The following DNAH12 variants were observed in gnomAD, a reference collection of about 807,000 sequenced individuals.
DNAH12 encodes axonemal beta dynein heavy chain 12.
A neutral mutation model predicts 371.5 loss-of-function variants in DNAH12; 285 were observed. The observed-to-expected ratio is 0.77, with a 90% CI of 0.70 to 0.85. The LOEUF (loss-of-function observed/expected upper bound fraction) is 0.85, where lower values mean the gene tolerates loss of function less well. DNAH12 is among the 40% of genes least tolerant of loss of function. The pLI is 0.00. For missense variants in DNAH12, 3,611 were observed against 3,689.4 expected, an observed-to-expected ratio of 0.98 and a Z score of 0.55; for synonymous variants, 1,200 against 1,213.0, an observed-to-expected ratio of 0.99 and a Z score of 0.22.
intron 67 of DNAH12, 77 bp downstream of exon 67, chr3:57,310,640 T>C: frequency 2.0e-6 from 2 of 996,158 alleles, no homozygotes; most frequent in Non-Finnish European, 3.0e-6. Flanking sequence ...AACCTATACA[T>C]TAGAGAAGAA....
intron 69 of DNAH12, among the ~76,000 whole-genome samples, chr3:57,308,869 G>A (rs577417696): frequency 2.6e-5 from 4 of 151,768 alleles, no homozygotes; most frequent in East Asian, 1.9e-4. Context: ...ATACAAAACC[G>A]TATCCAGGCC....
intron 27 of DNAH12, 45 bp from the exon 28 acceptor site, chr3:57,445,464 C>G: frequency 7.1e-7 from 1 of 1,408,974 alleles, no homozygotes; most frequent in Non-Finnish European, 9.3e-7. Flanking sequence ...ATAAATGAAG[C>G]TGTTTTTAAG....
At chr3:57,434,257 T>C (rs1364888764) in intron 30 of DNAH12, among the ~76,000 whole-genome samples, 1 of 152,116 alleles carries the variant, frequency 6.6e-6, no homozygotes, top group Admixed American at 6.6e-5. Flanking sequence ...AAAGACTAGG[T>C]AACTAGTTCT....
chr3:57,333,287 G>A (rs956190500), intron 62 of DNAH12, among the ~76,000 whole-genome samples: 5 of 147,106 alleles, frequency 3.4e-5, no homozygotes, highest in Non-Finnish European at 7.4e-5. Context: ...GGGATTATAG[G>A]CATGAGCCAC....
chr3:57,373,463 C>T (rs1239660551), intron 55 of DNAH12, among the ~76,000 whole-genome samples: 4 of 150,268 alleles, frequency 2.7e-5, no homozygotes, highest in Non-Finnish European at 3.0e-5. Context: ...TACAGGTGCA[C>T]ACCACCACAC....
intron 62 of DNAH12, among the ~76,000 whole-genome samples, chr3:57,332,821 C>T (rs182690116): frequency 2.6e-5 from 4 of 152,282 alleles, no homozygotes; most frequent in African/African-American, 9.6e-5. Flanking sequence ...GGGACTCATT[C>T]AGGTTCCCAA....
chr3:57,432,489 T>TC (rs2064988117), intron 32 of DNAH12, among the ~76,000 whole-genome samples: 1 of 145,342 alleles, frequency 6.9e-6, no homozygotes, highest in Non-Finnish European at 1.5e-5. Flanking sequence ...CTTGAGTGTA[T>TC]CTTTAAATGC....
intron 60 of DNAH12, 71 bp downstream of exon 60, chr3:57,352,014 C>T (rs2062687297): frequency 2.2e-6 from 3 of 1,382,046 alleles, no homozygotes; most frequent in African/African-American, 1.5e-5. Flanking sequence ...TGTGAGAAGA[C>T]ATATTCACAG....
At position 57,408,484 on chromosome 3, in the gene DNAH12, A is replaced by C; in HGVS notation, c.6072T>G (p.Ile2024Met). Residue 2024 changes from isoleucine to methionine, a missense_variant, in exon 40 of 74, where the codon ATT becomes ATG. This residue lies in a region of DNAH12 where 2,266 missense variants were observed against 2,236.9 expected (regional missense o/e 1.01). Transcript: ENST00000495027. ...CACCACCTGGAGGGCCCATTGCAGC[A>C]ATCAGCTCTATGTCCACCAGCGTGA... ...SKITLVDIEL[I>M]AAMGPPGGGR... 1 of 1,551,442 alleles carries C rather than the reference A, an allele frequency of 6.4e-7. No individual in the cohort carries two copies. The highest frequency in any genetic ancestry group is 2.0e-5 in the Admixed American group (1 of 50,980).
chr3:57,459,458 A>G, intron 20 of DNAH12, 134 bp downstream of exon 20: 4 of 828,964 alleles, frequency 4.8e-6, no homozygotes, highest in Non-Finnish European at 6.8e-6. Context: ...ATGCTTTCTT[A>G]TATTTTTCTG....
rs532300604 is a variant in DNAH12 at position 57,309,240 on chromosome 3, G to A, written c.11100C>T (p.Phe3700=). The A allele has an allele frequency of 2.7e-5, 42 of 1,548,102 alleles. No individual in the cohort carries two copies. The highest frequency in any genetic ancestry group is 3.4e-5 in the Non-Finnish European group (39 of 1,146,134). The part of the protein sequence containing the change: ...KDILNKLPSD[F]DIEMALRKYP... ...ACTTCCGTAGTGCCATTTCAATGTC[G>A]AAATCACTAGGGAGCTAAAAGAATA... The change falls in exon 69 of 74, where the codon TTC becomes TTT. Residue 3700 remains phenylalanine, a synonymous_variant. Transcript: ENST00000495027.
intron 28 of DNAH12, 73 bp from the exon 29 acceptor site, chr3:57,444,889 AG>A: frequency 9.0e-7 from 1 of 1,111,482 alleles, no homozygotes; most frequent in Non-Finnish European, 1.1e-6. Flanking sequence ...CTCCCCTCCC[AG>A]CCCCGGCCTG....
At chr3:57,417,175 G>A (rs932179198) in intron 37 of DNAH12, among the ~76,000 whole-genome samples, 6 of 152,092 alleles carry the variant, frequency 3.9e-5, no homozygotes, top group African/African-American at 7.2e-5. Context: ...GCTTGAACCC[G>A]GGAGGCAGAG....
Position 57,504,111 on chromosome 3 carries a change from T to G in DNAH12, c.991A>C (p.Thr331Pro). Residue 331 changes from threonine to proline, a missense_variant, in exon 9 of 74, where the codon ACA becomes CCA. Around this residue, in one of 3 missense-constraint regions of DNAH12, gnomAD observed 1,314 missense variants for 1,398.7 expected, o/e 0.94. Coordinates refer to ENST00000495027, the MANE Select transcript of DNAH12 (RefSeq NM_001366028.2). Reference sequence around the variant, plus strand: ...AATTCCATTTTGTCGTCATCAAATGTCAATTCTATCTTAAATATTGGCAGC... The same window carrying G: ...AATTCCATTTTGTCGTCATCAAATGGCAATTCTATCTTAAATATTGGCAGC... ...QRLPIFKIEL[T>P]FDDDKMEFYP... The G allele has an allele frequency of 6.2e-7, 1 of 1,613,936 alleles. No homozygotes were observed. The highest frequency in any genetic ancestry group is 8.5e-7 in the Non-Finnish European group (1 of 1,179,878).
At chr3:57,537,883 C>T (rs1207243664) in intron 2 of DNAH12, among the ~76,000 whole-genome samples, 1 of 152,026 alleles carries the variant, frequency 6.6e-6, no homozygotes, top group Non-Finnish European at 1.5e-5. Context: ...CGGTGTTTCA[C>T]CATGTTGGCC....
At chr3:57,500,144 G>C (rs779810999) in intron 11 of DNAH12, among the ~76,000 whole-genome samples, 1 of 112,486 alleles carries the variant, frequency 8.9e-6, no homozygotes, top group Non-Finnish European at 1.9e-5. Context: ...AGGTTCAAGC[G>C]ATCCTACTCC....
At chr3:57,308,490 C>T (rs562634740) in intron 69 of DNAH12, among the ~76,000 whole-genome samples, 4 of 152,310 alleles carry the variant, frequency 2.6e-5, no homozygotes, top group African/African-American at 7.2e-5. Flanking sequence ...CCTGTATAGA[C>T]ACTCCTTTTT....
At chr3:57,453,132 TA>T (rs1367710677) in intron 24 of DNAH12, 114 bp downstream of exon 24, 1 of 1,459,118 alleles carries the variant, frequency 6.9e-7, no homozygotes, top group Non-Finnish European at 9.1e-7. Context: ...TGCCAACTTA[TA>T]AAAAAGATTG....
rs111489432 is a variant in DNAH12 at position 57,510,889 on chromosome 3, G to A, written c.370C>T (p.Pro124Ser). The A allele has an allele frequency of 9.3e-6, 15 of 1,613,942 alleles. No individual in the cohort carries two copies. In the African/African-American group the frequency reaches 9.3e-5, roughly 10 times the overall value. ...TCTTTCCCTTCCTTTAAAGACTCAG[G>A]TATCAGCCTTAACATGTGATCCAGC... ...EWLDHMLRLIPESLKEGKERE... is the reference protein window; with the variant it reads ...EWLDHMLRLISESLKEGKERE... Residue 124 changes from proline (P) to serine (S), a missense_variant, in exon 5 of 74, where the codon CCT (proline) becomes TCT (serine). Pro to Ser is a moderately conservative substitution (Grantham distance 74). Around this residue, in one of 3 missense-constraint regions of DNAH12, gnomAD observed 1,314 missense variants for 1,398.7 expected, o/e 0.94. Transcript: ENST00000495027.
Sources: allele counts gnomAD v4.1 joint callset (sites outside exome capture counted in the v4.1 genomes callset), GRCh38; gene constraint gnomAD v4.1.1; regional missense constraint gnomAD v4.1.1; transcripts MANE v1.5; gene names NCBI Gene and HGNC (gene_info 2026-07-23, HGNC 2026-07-21).